SLC22A24: variants seen among roughly 807,000 people sequenced by gnomAD.
SLC22A24 encodes the protein steroid transmembrane transporter SLC22A24.
Under a neutral mutation model 49.8 loss-of-function variants are expected in SLC22A24, and 53 were observed. That is an observed-to-expected ratio of 1.06 (90% CI 0.85 to 1.34). The LOEUF is 1.34. Ranked by LOEUF, SLC22A24 falls within the 40% of genes most tolerant of loss-of-function variation. The pLI, the probability that SLC22A24 is intolerant of heterozygous loss-of-function variation, is 0.00. For synonymous variants in SLC22A24, 302 were observed against 256.4 expected, an observed-to-expected ratio of 1.18 and a Z score of -1.70; for missense variants, 786 against 675.9, an observed-to-expected ratio of 1.16 and a Z score of -1.81.
chr11:63,104,277 C>T lies in SLC22A24; in HGVS notation c.852G>A (p.Arg284=). Residue 284 remains arginine, a synonymous_variant, in exon 5 of 10, where the codon CGG becomes CGA. Coordinates refer to ENST00000612278, the MANE Select transcript of SLC22A24 (RefSeq NM_001136506.2). ...CTAGCTGATTGTTGATAATCAGCCA[C>T]CGAGCAGACTCCACCATCTTCCTGA... The part of the protein sequence containing the change: ...LSSWKMVESA[R]WLIINNQLDE... 6.5e-7 allele frequency: 1 copy of T among 1,550,222 alleles called. No homozygotes were observed. The highest frequency in any genetic ancestry group is 8.7e-7 in the Non-Finnish European group (1 of 1,146,748).
chr11:63,130,034 G>A (rs560351192), intron 2 of SLC22A24, among the ~76,000 whole-genome samples: 2 of 152,174 alleles, frequency 1.3e-5, no homozygotes, highest in Non-Finnish European at 2.9e-5. Context: ...TGGTGAGAGA[G>A]GGCATCCTTG....
chr11:63,081,618 A>G lies in SLC22A24; in HGVS notation c.1334T>C (p.Val445Ala). The G allele has an allele frequency of 1.3e-6, 2 of 1,551,634 alleles. No homozygotes were observed. The highest frequency in any genetic ancestry group is 1.7e-6 in the Non-Finnish European group (2 of 1,146,920). Residue 445 changes from valine (V) to alanine (A), a missense_variant, in exon 8 of 10, where the codon GTT becomes GCT. Transcript: ENST00000612278. ...AGAAGCACTGTTGCTAGCAGCAGAA[A>G]CACTACCAATTCCCAAAGTTGCTAA... is the stretch of plus-strand genomic sequence containing the variant. The part of the protein sequence containing the change: ...VVLATLGIGS[V>A]SAASNSASVH...
intron 5 of SLC22A24, among the ~76,000 whole-genome samples, chr11:63,099,374 T>TG (rs2087076847): frequency 1.9e-5 from 2 of 107,340 alleles, no homozygotes; most frequent in African/African-American, 7.9e-5. Flanking sequence ...TTTTAAGATT[T>TG]TTTTTTTTTT....
At chr11:63,140,994 T>C (rs1056739412) in intron 1 of SLC22A24, among the ~76,000 whole-genome samples, 1 of 152,218 alleles carries the variant, frequency 6.6e-6, no homozygotes, top group African/African-American at 2.4e-5. Context: ...AGAAATTATT[T>C]AGCTTTTTAC....
intron 6 of SLC22A24, among the ~76,000 whole-genome samples, chr11:63,086,031 A>T (rs906582753): frequency 6.6e-6 from 1 of 152,214 alleles, no homozygotes; most frequent in Admixed American, 6.5e-5. Context: ...ATGGTCAAAA[A>T]ATAACAGATA....
intron 7 of SLC22A24, among the ~76,000 whole-genome samples, chr11:63,082,810 TAGAG>T (rs905086842): frequency 2.6e-5 from 4 of 152,238 alleles, no homozygotes; most frequent in Admixed American, 6.5e-5. Context: ...ATGGACAAGT[TAGAG>T]AGACCTCAAA....
chr11:63,104,597 A>C (rs183932560), intron 4 of SLC22A24, among the ~76,000 whole-genome samples: 187 of 152,298 alleles, frequency 1.2e-3, no homozygotes, highest in African/African-American at 4.4e-3. Flanking sequence ...TAATGAACTC[A>C]TAGTTCCACA....
At chr11:63,091,474 A>G (rs530546930) in intron 6 of SLC22A24, among the ~76,000 whole-genome samples, 1 of 152,344 alleles carries the variant, frequency 6.6e-6, no homozygotes, top group African/African-American at 2.4e-5. Flanking sequence ...TTTCAGGCCA[A>G]TATCCCTGGT....
At chr11:63,104,361 A>G (rs925237447) in intron 4 of SLC22A24, 63 bp from the exon 5 acceptor site, 9 of 1,460,892 alleles carry the variant, frequency 6.2e-6, no homozygotes, top group African/African-American at 1.4e-5. Context: ...AACCTTTAAC[A>G]TGAAATTCCT....
Position 63,118,931 on chromosome 11 carries a change from C to T in SLC22A24, c.811G>A (p.Val271Ile). Residue 271 changes from valine to isoleucine, a missense_variant, in exon 4 of 10, where the codon GTC (valine) becomes ATC (isoleucine). By Grantham distance (29) the Val-to-Ile change is conservative (BLOSUM62 3). Coordinates refer to ENST00000612278, the MANE Select transcript of SLC22A24 (RefSeq NM_001136506.2). The part of the protein sequence containing the change: ...LQLTVSTPII[V>I]LFLSSWKMVE... ...TCATACCAAGAGGACAAGAAGAGGA[C>T]AATTATGGGTGTAGACACAGTCAGT... 1 of 1,552,050 alleles carries T rather than the reference C, an allele frequency of 6.4e-7. No homozygotes were observed. Among genetic ancestry groups the T allele is most frequent in the Non-Finnish European group, 8.7e-7 (1 of 1,147,044 alleles).
chr11:63,134,005 G>T (rs2087355585), intron 2 of SLC22A24, among the ~76,000 whole-genome samples: 1 of 152,118 alleles, frequency 6.6e-6, no homozygotes, highest in African/African-American at 2.4e-5. Flanking sequence ...TAGATTAGTA[G>T]ATAAATACAA....
At position 63,091,516 on chromosome 11, in the gene SLC22A24, C is replaced by T. The variant is rs188185060; in HGVS notation, c.1070+4475G>A. ...CGATGAGAAAATCCTCAATAAAATA[C>T]TGTCAAACTGAATTCAGCAGCACAT... On this transcript the variant is annotated intron_variant, in intron 6 of 9. Coordinates refer to ENST00000612278, the MANE Select transcript of SLC22A24 (RefSeq NM_001136506.2). Among the ~76,000 whole-genome samples the T allele has an allele frequency of 2.6e-5, 4 of 152,294 alleles. No homozygotes were observed. The East Asian group carries it at 5.8e-4, about 22-fold the overall frequency.
At chr11:63,118,223 A>AT (rs5792277) in intron 4 of SLC22A24, among the ~76,000 whole-genome samples, 115,742 of 151,336 alleles carry the variant, frequency 0.76, 46,239 homozygotes, top group East Asian at 0.9. Flanking sequence ...GTTAGCTGTT[A>AT]TTTTTTTTTC....
chr11:63,088,937 A>G (rs1027267266), intron 6 of SLC22A24, among the ~76,000 whole-genome samples: 4 of 152,150 alleles, frequency 2.6e-5, no homozygotes, highest in Admixed American at 1.3e-4. Context: ...AAAAGACACA[A>G]CCTACGATAA....
chr11:63,090,853 A>T (rs1266124613), intron 6 of SLC22A24, among the ~76,000 whole-genome samples: 1 of 152,074 alleles, frequency 6.6e-6, no homozygotes, highest in Admixed American at 6.5e-5. Context: ...TGACATTCTA[A>T]TATCACAATT....
At chr11:63,084,112 G>A (rs1201034465) in intron 6 of SLC22A24, among the ~76,000 whole-genome samples, 1 of 152,132 alleles carries the variant, frequency 6.6e-6, no homozygotes, top group Non-Finnish European at 1.5e-5. Context: ...CAGAAACAGA[G>A]AATCTCTAAC....
chr11:63,141,859 T>C (rs2087417639), intron 1 of SLC22A24, among the ~76,000 whole-genome samples: 1 of 152,246 alleles, frequency 6.6e-6, no homozygotes. Flanking sequence ...AAGTCAGTTC[T>C]ATCATAATTT....
chr11:63,132,541 T>C (rs7952201), intron 2 of SLC22A24, among the ~76,000 whole-genome samples: 120,753 of 151,938 alleles, frequency 0.79, 49,082 homozygotes, highest in East Asian at 0.9. Context: ...AGTCAGGTCC[T>C]TCAGCTGCAG....
intron 2 of SLC22A24, among the ~76,000 whole-genome samples, chr11:63,120,542 GATGAGGTAAGGCAGAGA>G (rs889459637): frequency 1.2e-4 from 18 of 152,098 alleles, no homozygotes; most frequent in African/African-American, 4.3e-4. Flanking sequence ...CAGAGGAGAG[GATGAGGTAAGGCAGAGA>G]ATGAGAAACA....
Sources: allele counts gnomAD v4.1 joint callset (sites outside exome capture counted in the v4.1 genomes callset), GRCh38; gene constraint gnomAD v4.1.1; transcripts MANE v1.5; gene names NCBI Gene and HGNC (gene_info 2026-07-23, HGNC 2026-07-21).